The following STYK1 variants were observed in gnomAD, a reference collection of about 807,000 sequenced individuals.
STYK1 encodes tyrosine-protein kinase STYK1.
In STYK1, 46 loss-of-function variants were observed where a neutral mutation model predicts 48.1. The ratio of observed to expected loss-of-function variants is 0.96; its 90% CI spans 0.75 to 1.22. The LOEUF is 1.22. STYK1 is among the 50% of genes most tolerant of loss of function. STYK1 has a pLI of 0.00. For missense variants in STYK1, 527 were observed against 521.1 expected, an observed-to-expected ratio of 1.01 and a Z score of -0.11; for synonymous variants, 188 against 189.0, an observed-to-expected ratio of 0.99 and a Z score of 0.04.
intron 1 of STYK1, among the ~76,000 whole-genome samples, chr12:10,642,450 G>A (rs894482311): frequency 6.6e-6 from 1 of 152,162 alleles, no homozygotes; most frequent in African/African-American, 2.4e-5. Context: ...AAAATGCCTA[G>A]AACATTACCA....
rs1488034813 is a variant in STYK1 at position 10,629,547 on chromosome 12, C to A, written c.579G>T (p.Val193=). The A allele has an allele frequency of 1.9e-6, 3 of 1,614,214 alleles. No individual in the cohort carries two copies. In the East Asian group the frequency reaches 6.7e-5, roughly 36 times the overall value. ...CCTEKLPLYM[V]LEDVAQGDLL... is the part of the protein sequence containing the mutation. The stretch of plus-strand genomic sequence containing the variant: ...GGTCCCCCTGGGCCACATCCTCCAA[C>A]ACCATATAGAGTGGCAGCTTTTCAG... Residue 193 remains valine (V), a synonymous_variant, in exon 6 of 11, where the codon GTG becomes GTT. Transcript: ENST00000075503.
chr12:10,621,766 G>A (rs1000132673), intron 10 of STYK1, 110 bp downstream of exon 10: 2 of 896,090 alleles, frequency 2.2e-6, no homozygotes, highest in South Asian at 1.5e-5. Context: ...CTGTACATGG[G>A]TACATATACA....
chr12:10,658,071 G>A (rs1018987698), intron 1 of STYK1, among the ~76,000 whole-genome samples: 3 of 152,186 alleles, frequency 2.0e-5, no homozygotes, highest in Non-Finnish European at 4.4e-5. Context: ...TCTTGTGAAG[G>A]AAATTCTGTG....
intron 1 of STYK1, among the ~76,000 whole-genome samples, chr12:10,668,810 C>G (rs140201240): frequency 6.0e-4 from 92 of 152,160 alleles, no homozygotes; most frequent in African/African-American, 2.0e-3. Context: ...CAGTACTTAA[C>G]CAGTTTGCCT....
intron 7 of STYK1, among the ~76,000 whole-genome samples, chr12:10,626,843 A>T (rs915192217): frequency 1.3e-5 from 2 of 152,036 alleles, no homozygotes; most frequent in Admixed American, 6.6e-5. Context: ...CGTCTCTACT[A>T]AAAATACAAA....
rs531043914 is a variant in STYK1, at chr12:10,634,406, C to G, written c.52+161G>C. On this transcript the variant is annotated intron_variant, in intron 3 of 10. Transcript: ENST00000075503. The stretch of plus-strand genomic sequence containing the variant: ...CATCTGGATCACTGATTAGCACTTA[C>G]CCTCTCCCCAAAAAGACAATGGCCT... 5.3e-5 allele frequency among the ~76,000 whole-genome samples: 8 copies of G among 152,290 alleles called. No individual in the cohort carries two copies. The South Asian group carries it at 8.3e-4, about 16-fold the overall frequency.
chr12:10,670,703 C>T (rs1014929705), intron 1 of STYK1, among the ~76,000 whole-genome samples: 1 of 151,524 alleles, frequency 6.6e-6, no homozygotes, highest in Non-Finnish European at 1.5e-5. Flanking sequence ...GTATTGTATT[C>T]TTGAAAATTG....
At chr12:10,646,194 T>A (rs1182251302) in intron 1 of STYK1, among the ~76,000 whole-genome samples, 1 of 152,164 alleles carries the variant, frequency 6.6e-6, no homozygotes, top group African/African-American at 2.4e-5. Flanking sequence ...TGGAACAGTT[T>A]GGAGGGCTCA....
chr12:10,626,475 T>TTTCTAACCTTTTC (rs1417180441), intron 7 of STYK1, among the ~76,000 whole-genome samples: 9 of 152,186 alleles, frequency 5.9e-5, no homozygotes, highest in African/African-American at 2.2e-4. Context: ...TAATCCTTTT[T>TTTCTAACCTTTTC]TTCTAACCTT....
chr12:10,648,831 T>G (rs1331794021), intron 1 of STYK1, among the ~76,000 whole-genome samples: 1 of 152,100 alleles, frequency 6.6e-6, no homozygotes, highest in African/African-American at 2.4e-5. Flanking sequence ...CCTCCCAAAG[T>G]GCTGAGGTTA....
At chr12:10,627,392 C>A (rs551468242) in intron 7 of STYK1, among the ~76,000 whole-genome samples, 2 of 152,094 alleles carry the variant, frequency 1.3e-5, no homozygotes, top group South Asian at 4.2e-4. Flanking sequence ...CTTCCTGTTC[C>A]TTGTATAAAC....
intron 1 of STYK1, among the ~76,000 whole-genome samples, chr12:10,652,445 C>T (rs1246061783): frequency 2.6e-5 from 4 of 152,184 alleles, no homozygotes; most frequent in South Asian, 2.1e-4. Flanking sequence ...TATGAAAGTA[C>T]TTTAAAGTTT....
At position 10,620,689 on chromosome 12, in the gene STYK1, G is replaced by A. The variant is rs559893043; in HGVS notation, c.1065-341C>T. 5.3e-5 allele frequency among the ~76,000 whole-genome samples: 8 copies of A among 152,278 alleles called. No individual in the cohort carries two copies. In the South Asian group the frequency reaches 1.7e-3, roughly 32 times the overall value. On this transcript the variant is annotated intron_variant, in intron 10 of 10. Coordinates refer to ENST00000075503, the MANE Select transcript of STYK1 (RefSeq NM_018423.3). Reference sequence around the variant, plus strand: ...CAGGGCTGGGTAGAAATGAACACATGTCATTTTTACTCTGATATGAGACGG... The same window carrying A: ...CAGGGCTGGGTAGAAATGAACACATATCATTTTTACTCTGATATGAGACGG...
At chr12:10,650,199 G>C (rs976324166) in intron 1 of STYK1, among the ~76,000 whole-genome samples, 1 of 147,562 alleles carries the variant, frequency 6.8e-6, no homozygotes, top group Non-Finnish European at 1.5e-5. Context: ...TTATCTTGCC[G>C]ACCTGGGAGA....
chr12:10,634,707 GA>G (rs1180964316), intron 2 of STYK1, 21 bp from the exon 3 acceptor site: 3 of 1,449,994 alleles, frequency 2.1e-6, no homozygotes, highest in African/African-American at 1.4e-5. Context: ...AGTGGTTTTT[GA>G]AAAAAATAAA....
In STYK1 at chr12:10,628,549, C is replaced by T. The variant is rs113641311; in HGVS notation, c.634-825G>A. 7.0e-3 allele frequency among the ~76,000 whole-genome samples: 1,062 copies of T among 152,264 alleles called. 8 individuals carry two copies. The highest frequency in any genetic ancestry group is 0.024 in the African/African-American group (1,006 of 41,548). ...TAAATACTTGCAATCGTCCTATTGA[C>T]AATACAGGATGGAAGACAATAACAG... On this transcript the variant is annotated intron_variant, in intron 6 of 10. Transcript: ENST00000075503.
intron 1 of STYK1, among the ~76,000 whole-genome samples, chr12:10,660,761 T>G (rs561567998): frequency 1.2e-3 from 184 of 152,292 alleles, no homozygotes; most frequent in African/African-American, 4.0e-3. Context: ...TAAGAGACAC[T>G]GCCACCAGTG....
At chr12:10,631,817 G>C (rs1332697601) in intron 4 of STYK1, among the ~76,000 whole-genome samples, 4 of 152,122 alleles carry the variant, frequency 2.6e-5, no homozygotes, top group Admixed American at 2.6e-4. Flanking sequence ...TTGAGTCTTG[G>C]TCAAAAAAGT....
Position 10,650,381 on chromosome 12 carries a change from A to G in STYK1, c.-194-13185T>C, listed in dbSNP as rs571136280. 6.6e-5 allele frequency among the ~76,000 whole-genome samples: 10 copies of G among 152,302 alleles called. No homozygotes were observed. In the East Asian group the frequency reaches 1.9e-3, roughly 29 times the overall value. ...TGAGATAATTCTGCCTGCTTACATC[A>G]GAGGATTCTAGTGAGAATTAATAAG... On this transcript the variant is annotated intron_variant, in intron 1 of 10. Coordinates refer to ENST00000075503, the MANE Select transcript of STYK1 (RefSeq NM_018423.3).
Sources: allele counts gnomAD v4.1 joint callset (sites outside exome capture counted in the v4.1 genomes callset), GRCh38; gene constraint gnomAD v4.1.1; transcripts MANE v1.5; gene names NCBI Gene and HGNC (gene_info 2026-07-23, HGNC 2026-07-21).